JPH3: variants seen among roughly 807,000 people sequenced by gnomAD.
JPH3 encodes the protein junctophilin-3.
JPH3 carries 11 observed loss-of-function variants against 59.6 expected under a neutral mutation model. The ratio of observed to expected loss-of-function variants is 0.18; its 90% CI spans 0.12 to 0.31. The LOEUF (loss-of-function observed/expected upper bound fraction) is 0.31, where lower values mean the gene tolerates loss of function less well. Ranked by LOEUF, JPH3 falls within the 10% of genes least tolerant of loss-of-function variation. The pLI, the probability that JPH3 is intolerant of heterozygous loss-of-function variation, is 1.00. For missense variants in JPH3, 1,202 were observed against 1,105.7 expected, an observed-to-expected ratio of 1.09 and a Z score of -1.24; for synonymous variants, 673 against 483.6, an observed-to-expected ratio of 1.39 and a Z score of -5.14.
Position 87,603,047 on chromosome 16 carries a change from A to G in JPH3, c.-100A>G. On this transcript the variant is annotated 5_prime_UTR_variant, in exon 1 of 5. Transcript: ENST00000284262. ...GGGCCGCGTCCTCCTCTCCTCCGGAAAACGCTCGCGACCCAGGGCCGCCGG... is the reference window on the plus strand; with the variant it reads ...GGGCCGCGTCCTCCTCTCCTCCGGAGAACGCTCGCGACCCAGGGCCGCCGG... 6.7e-7 allele frequency: 1 copy of G among 1,499,206 alleles called. No homozygotes were observed. Among genetic ancestry groups the G allele is most frequent in the Non-Finnish European group, 9.0e-7 (1 of 1,105,150 alleles). The allele number at this position is 1,499,206 out of a possible 1,614,324, so 92.9% of individuals were successfully genotyped here. A position where few individuals can be genotyped will look rare whatever the true frequency, so the allele number is the denominator to read the frequency against.
chr16:87,643,713 G>A (rs924929455), intron 1 of JPH3, among the ~76,000 whole-genome samples: 4 of 152,134 alleles, frequency 2.6e-5, no homozygotes, highest in South Asian at 4.1e-4. Flanking sequence ...CTCCCTCCCC[G>A]ATTTCCAAGA....
In JPH3 at chr16:87,696,752, C is replaced by G. The variant is rs777279815; in HGVS notation, c.*92C>G. On this transcript the variant is annotated 3_prime_UTR_variant, in exon 5 of 5. Transcript: ENST00000284262. ...CCACAAGAAGGGAAAGACCGCAACT[C>G]GGACAGCCCAGCGACTTCCAAGTCC... 3.9e-5 allele frequency: 40 copies of G among 1,029,640 alleles called. No individual in the cohort carries two copies. The highest frequency in any genetic ancestry group is 5.7e-5 in the Non-Finnish European group (38 of 669,442). The allele number at this position is 1,029,640 out of a possible 1,614,324, so 63.8% of individuals were successfully genotyped here. A position where few individuals can be genotyped will look rare whatever the true frequency, so the allele number is the denominator to read the frequency against.
intron 2 of JPH3, among the ~76,000 whole-genome samples, chr16:87,674,176 T>C (rs1209001791): frequency 6.6e-6 from 1 of 151,154 alleles, no homozygotes; most frequent in Non-Finnish European, 1.5e-5. Context: ...CTACTAAAAA[T>C]ACAAAAAATT....
intron 1 of JPH3, among the ~76,000 whole-genome samples, chr16:87,641,445 G>T (rs988671764): frequency 6.6e-6 from 1 of 152,204 alleles, no homozygotes; most frequent in Non-Finnish European, 1.5e-5. Context: ...CAGAATGACC[G>T]ACCAGTGTGG....
chr16:87,636,295 G>A (rs115016078), intron 1 of JPH3, among the ~76,000 whole-genome samples: 2,408 of 152,316 alleles, frequency 0.016, 27 homozygotes, highest in Middle Eastern at 0.038. Context: ...GCCCTCAGCC[G>A]CGGTTGGCCG....
At position 87,622,674 on chromosome 16, in the gene JPH3, GC is replaced by G. The variant is rs564907000; in HGVS notation, c.382+19147del. Among the ~76,000 whole-genome samples, 5 of 149,252 alleles carry G rather than the reference GC, an allele frequency of 3.4e-5. No individual in the cohort carries two copies. In the East Asian group the frequency reaches 9.8e-4, roughly 29 times the overall value. On this transcript the variant is annotated intron_variant, in intron 1 of 4. Transcript: ENST00000284262. ...CTGAGGGCTGGGACCTGCAGGAGGA[GC>G]TGAGGGTGCATGGGGTCTGGGGGAG...
At chr16:87,623,046 A>G (rs2031246793) in intron 1 of JPH3, among the ~76,000 whole-genome samples, 2 of 152,122 alleles carry the variant, frequency 1.3e-5, no homozygotes, top group South Asian at 4.1e-4. Context: ...AGGAGTGTCC[A>G]GGCCCCTCCC....
intron 2 of JPH3, among the ~76,000 whole-genome samples, chr16:87,659,490 G>A (rs147750406): frequency 6.6e-6 from 1 of 151,734 alleles, no homozygotes; most frequent in Non-Finnish European, 1.5e-5. Flanking sequence ...GGGAGGTTGA[G>A]GTGGGTGAAT....
chr16:87,612,774 GGGAGGCCGAGGCGGGC>G (rs1457288497), intron 1 of JPH3, among the ~76,000 whole-genome samples: 2 of 152,118 alleles, frequency 1.3e-5, no homozygotes, highest in African/African-American at 4.8e-5. Flanking sequence ...CCAGCACTTT[GGGAGGCCGAGGCGGGC>G]GGAGGCCGAG....
intron 4 of JPH3, among the ~76,000 whole-genome samples, chr16:87,692,388 G>A (rs1244619323): frequency 1.3e-5 from 2 of 152,210 alleles, no homozygotes; most frequent in Non-Finnish European, 2.9e-5. Flanking sequence ...AGGGCAGTCG[G>A]GTGCCAGGCT....
chr16:87,680,379 C>T (rs937184664), intron 2 of JPH3, among the ~76,000 whole-genome samples: 14 of 152,380 alleles, frequency 9.2e-5, no homozygotes, highest in African/African-American at 3.4e-4. Context: ...CGGTGTGGAC[C>T]CAGAAGGAAG....
intron 1 of JPH3, among the ~76,000 whole-genome samples, chr16:87,641,851 G>A (rs944231303): frequency 2.0e-5 from 3 of 152,248 alleles, no homozygotes; most frequent in East Asian, 1.9e-4. Flanking sequence ...CTGGGGGCTC[G>A]TGATGTGGTT....
intron 2 of JPH3, among the ~76,000 whole-genome samples, chr16:87,671,489 C>T (rs1030243221): frequency 1.3e-5 from 2 of 152,228 alleles, no homozygotes; most frequent in African/African-American, 4.8e-5. Context: ...GCTGTGCCTG[C>T]TCCTATCCAC....
chr16:87,636,382 A>C (rs2031747442), intron 1 of JPH3, among the ~76,000 whole-genome samples: 1 of 152,218 alleles, frequency 6.6e-6, no homozygotes, highest in African/African-American at 2.4e-5. Context: ...GCATAAATGC[A>C]AAGGGCTGGG....
intron 1 of JPH3, among the ~76,000 whole-genome samples, chr16:87,632,143 G>GT (rs1203870687): frequency 6.6e-6 from 1 of 152,188 alleles, no homozygotes; most frequent in African/African-American, 2.4e-5. Context: ...GCTACAGTCT[G>GT]TTTTTTCAGA....
At chr16:87,643,657 G>C (rs1006186663) in intron 1 of JPH3, among the ~76,000 whole-genome samples, 1 of 152,138 alleles carries the variant, frequency 6.6e-6, no homozygotes, top group Admixed American at 6.5e-5. Flanking sequence ...ATTCACTCTG[G>C]GTTCTGTGGT....
At chr16:87,674,451 T>C (rs2033096076) in intron 2 of JPH3, among the ~76,000 whole-genome samples, 1 of 151,914 alleles carries the variant, frequency 6.6e-6, no homozygotes, top group Non-Finnish European at 1.5e-5. Flanking sequence ...TGTGACGGAG[T>C]CTTGTGCAGA....
Position 87,672,748 on chromosome 16 carries a change from C to T in JPH3, c.1161-11394C>T, listed in dbSNP as rs139644362. Among the ~76,000 whole-genome samples, 295 of 152,272 alleles carry T rather than the reference C, an allele frequency of 1.9e-3. 4 individuals are homozygous for T. The East Asian group carries it at 0.044, about 23-fold the overall frequency. On this transcript the variant is annotated intron_variant, in intron 2 of 4. Transcript: ENST00000284262. ...TGGCATCTATAAATGGGTGGTGGTGCGGAATGGGTGGTTGATTAAATGGTA... is the reference window on the plus strand; with the variant it reads ...TGGCATCTATAAATGGGTGGTGGTGTGGAATGGGTGGTTGATTAAATGGTA...
intron 1 of JPH3, among the ~76,000 whole-genome samples, chr16:87,627,452 C>T (rs1249307499): frequency 6.6e-6 from 1 of 152,200 alleles, no homozygotes; most frequent in Non-Finnish European, 1.5e-5. Flanking sequence ...GTAGTAGACA[C>T]ACAGGGTGGG....
Sources: allele counts gnomAD v4.1 joint callset (sites outside exome capture counted in the v4.1 genomes callset), GRCh38; gene constraint gnomAD v4.1.1; transcripts MANE v1.5; gene names NCBI Gene and HGNC (gene_info 2026-07-23, HGNC 2026-07-21).